GRID1: variants seen among roughly 807,000 people sequenced by gnomAD.
GRID1 encodes glutamate receptor ionotropic, delta-1.
In GRID1, 28 loss-of-function variants were observed where a neutral mutation model predicts 98.0. The observed-to-expected ratio is 0.29, with a 90% CI of 0.21 to 0.39. The LOEUF (loss-of-function observed/expected upper bound fraction) is 0.39, where lower values mean the gene tolerates loss of function less well. Among genes scored for constraint, GRID1 ranks in the 10% least tolerant of loss-of-function variants. GRID1 has a pLI of 1.00. For synonymous variants in GRID1, 553 were observed against 538.5 expected, an observed-to-expected ratio of 1.03 and a Z score of -0.37; for missense variants, 1,111 against 1,340.5, an observed-to-expected ratio of 0.83 and a Z score of 2.67.
intron 12 of GRID1, among the ~76,000 whole-genome samples, chr10:85,680,325 C>G (rs1016455951): frequency 2.0e-5 from 3 of 152,190 alleles, no homozygotes; most frequent in Admixed American, 6.5e-5. Flanking sequence ...TACACCCTCA[C>G]TCCTTCCCTA....
At chr10:85,884,267 C>A (rs1266793344) in intron 5 of GRID1, among the ~76,000 whole-genome samples, 2 of 152,074 alleles carry the variant, frequency 1.3e-5, no homozygotes, top group Admixed American at 1.3e-4. Context: ...TACTACTAAA[C>A]CTTTTGTATG....
intron 5 of GRID1, among the ~76,000 whole-genome samples, chr10:85,909,001 G>C (rs1243126916): frequency 2.0e-5 from 3 of 152,298 alleles, no homozygotes; most frequent in East Asian, 3.9e-4. Context: ...ATAAGCCACA[G>C]GCTGGGAGAA....
At chr10:86,241,590 C>T (rs1421636167) in intron 2 of GRID1, among the ~76,000 whole-genome samples, 2 of 152,272 alleles carry the variant, frequency 1.3e-5, no homozygotes, top group African/African-American at 4.8e-5. Context: ...TAACTTAATC[C>T]TAGACAGAGT....
At chr10:85,936,338 A>G (rs964925106) in intron 4 of GRID1, among the ~76,000 whole-genome samples, 2 of 152,236 alleles carry the variant, frequency 1.3e-5, no homozygotes. Context: ...ATTCACACCA[A>G]ACTAGAATAT....
chr10:86,013,004 G>A (rs749293584), intron 4 of GRID1, among the ~76,000 whole-genome samples: 13 of 152,164 alleles, frequency 8.5e-5, no homozygotes, highest in Non-Finnish European at 1.8e-4. Context: ...GCTGGATCTT[G>A]ACTAATCCTA....
At chr10:85,985,402 A>G (rs1842596493) in intron 4 of GRID1, among the ~76,000 whole-genome samples, 1 of 152,204 alleles carries the variant, frequency 6.6e-6, no homozygotes, top group African/African-American at 2.4e-5. Flanking sequence ...GTCTCCCCCA[A>G]CTGTAAGCTA....
At chr10:85,895,016 A>AAATATAT (rs766551035) in intron 5 of GRID1, among the ~76,000 whole-genome samples, 35 of 97,104 alleles carry the variant, frequency 3.6e-4, no homozygotes, top group Non-Finnish European at 5.6e-4. Flanking sequence ...AAAAAAAAAA[A>AAATATAT]ATATATATAT....
chr10:85,812,138 G>T (rs1280542403), intron 8 of GRID1, among the ~76,000 whole-genome samples: 16 of 152,138 alleles, frequency 1.1e-4, no homozygotes, highest in Non-Finnish European at 2.4e-4. Context: ...GTCTTTCCCA[G>T]ATAAGCAAAA....
intron 12 of GRID1, among the ~76,000 whole-genome samples, chr10:85,681,832 G>A (rs1841212695): frequency 6.6e-6 from 1 of 152,140 alleles, no homozygotes; most frequent in Non-Finnish European, 1.5e-5. Context: ...GCCCTCCCCA[G>A]ACATGCTCAG....
chr10:85,605,178 AT>A (rs1842642772), intron 15 of GRID1, among the ~76,000 whole-genome samples: 1 of 152,186 alleles, frequency 6.6e-6, no homozygotes, highest in African/African-American at 2.4e-5. Flanking sequence ...TGGGGCTGCT[AT>A]GAGCTCCTGT....
chr10:85,832,447 T>C (rs7900949), intron 8 of GRID1, among the ~76,000 whole-genome samples: 33,272 of 152,016 alleles, frequency 0.22, 3,831 homozygotes, highest in South Asian at 0.27. Context: ...AAATCAAATG[T>C]GATACACAAC....
At position 86,351,064 on chromosome 10, in the gene GRID1, T is replaced by G. The variant is rs1848455348; in HGVS notation, c.235+12877A>C. Among the ~76,000 whole-genome samples, 5 of 152,318 alleles carry G rather than the reference T, an allele frequency of 3.3e-5. No homozygotes were observed. The South Asian group carries it at 1.0e-3, about 32-fold the overall frequency. The stretch of plus-strand genomic sequence containing the variant: ...GATGCCTCTGCTTTTGAACAGGCAA[T>G]CACCAGGAGCCTGCAGTACAGCAGA... On this transcript the variant is annotated intron_variant, in intron 2 of 15. Coordinates refer to ENST00000327946, the MANE Select transcript of GRID1 (RefSeq NM_017551.3).
At chr10:86,101,407 C>A (rs114182624) in intron 4 of GRID1, among the ~76,000 whole-genome samples, 1,867 of 152,296 alleles carry the variant, frequency 0.012, 45 homozygotes, top group African/African-American at 0.042. Flanking sequence ...TTGCCCACAG[C>A]AATTCCTTAT....
intron 15 of GRID1, among the ~76,000 whole-genome samples, chr10:85,604,747 T>C (rs1177862202): frequency 2.0e-5 from 3 of 152,240 alleles, no homozygotes; most frequent in Non-Finnish European, 4.4e-5. Context: ...CTACTTTTTG[T>C]GTATTCTATT....
intron 2 of GRID1, among the ~76,000 whole-genome samples, chr10:86,335,575 G>GTACATACT (rs1342158326): frequency 2.6e-5 from 4 of 152,188 alleles, no homozygotes; most frequent in Non-Finnish European, 5.9e-5. Context: ...AATTCAATCT[G>GTACATACT]GGACATACTG....
chr10:85,965,000 AG>A (rs1373552438), intron 4 of GRID1, among the ~76,000 whole-genome samples: 3 of 152,252 alleles, frequency 2.0e-5, no homozygotes, highest in Non-Finnish European at 4.4e-5. Context: ...ACTTCTCAAA[AG>A]AAGACATTTA....
intron 4 of GRID1, among the ~76,000 whole-genome samples, chr10:86,120,531 T>G (rs189434334): frequency 6.6e-6 from 1 of 152,296 alleles, no homozygotes; most frequent in African/African-American, 2.4e-5. Flanking sequence ...GATGAGTAAA[T>G]GACTTTGGAA....
At chr10:86,140,932 C>T (rs11201897) in intron 3 of GRID1, among the ~76,000 whole-genome samples, 1 of 152,118 alleles carries the variant, frequency 6.6e-6, no homozygotes, top group Admixed American at 6.5e-5. Context: ...AAATGAGAAC[C>T]CTGGGGGCTC....
chr10:86,266,283 T>C (rs1364932503), intron 2 of GRID1, among the ~76,000 whole-genome samples: 1 of 152,022 alleles, frequency 6.6e-6, no homozygotes, highest in East Asian at 1.9e-4. Context: ...ACAGCACCAG[T>C]GACGCCATCA....
Sources: allele counts gnomAD v4.1 joint callset (sites outside exome capture counted in the v4.1 genomes callset), GRCh38; gene constraint gnomAD v4.1.1; transcripts MANE v1.5; gene names NCBI Gene and HGNC (gene_info 2026-07-23, HGNC 2026-07-21).